Variants in TRMT61B observed in about 807,000 individuals in gnomAD.
TRMT61B encodes tRNA (adenine(58)-N(1))-methyltransferase, mitochondrial.
In TRMT61B, 56 loss-of-function variants were observed where a neutral mutation model predicts 52.0. That is an observed-to-expected ratio of 1.08 (90% confidence interval 0.87 to 1.35). The LOEUF is 1.35. Ranked by LOEUF, TRMT61B falls within the 40% of genes most tolerant of loss-of-function variation. The pLI, the probability that TRMT61B is intolerant of heterozygous loss-of-function variation, is 0.00. For synonymous variants in TRMT61B, 206 were observed against 220.0 expected, an observed-to-expected ratio of 0.94 and a Z score of 0.56; for missense variants, 650 against 577.9, an observed-to-expected ratio of 1.12 and a Z score of -1.28.
Position 28,851,154 on chromosome 2 carries a change from T to G in TRMT61B, c.1230A>C (p.Glu410Asp). 6.2e-7 allele frequency: 1 copy of G among 1,613,710 alleles called. No individual in the cohort carries two copies. The highest frequency in any genetic ancestry group is 8.5e-7 in the Non-Finnish European group (1 of 1,179,928). The change falls in exon 5 of 7, where the codon GAA becomes GAC. Residue 410 changes from glutamate (E) to aspartate (D), a missense_variant. By Grantham distance (45) the Glu-to-Asp change is conservative (BLOSUM62 2). Coordinates refer to ENST00000306108, the MANE Select transcript of TRMT61B (RefSeq NM_017910.4). ...GTTGTACATCTGTGTTGATTTTAGA[T>G]TCTACTTTTTGAGCTAAAATTCCAT... ...QKNGILAQKV[E>D]SKINTDVQLD...
rs1220540710 is a variant in TRMT61B, at chr2:28,862,331, T to TC, written c.803-1024_803-1023insG. 4.7e-5 allele frequency among the ~76,000 whole-genome samples: 5 copies of TC among 107,026 alleles called. No homozygotes were observed. The East Asian group carries it at 1.4e-3, about 31-fold the overall frequency. 70.2% of individuals were successfully genotyped at this position (107,026 alleles called of 152,430 possible). On this transcript the variant is annotated intron_variant, in intron 2 of 6. Coordinates refer to ENST00000306108, the MANE Select transcript of TRMT61B (RefSeq NM_017910.4). The stretch of plus-strand genomic sequence containing the variant: ...CATTTTTAATGTAGATTTTTGAGTT[T>TC]GGTTTTTTTTTTTTTTTTTGAGACA...
rs758057919 is a variant in TRMT61B, at chr2:28,870,049, T to A, written c.229A>T (p.Ile77Phe). ...CPSLPLSISD[I>F]GTGCLSSLEN... is the part of the protein sequence containing the mutation. Reference sequence around the variant, plus strand: ...AGTGACGAAAGACATCCAGTCCCAATGTCCGAGATGCTCAGAGGGAGAGAT... The same window carrying A: ...AGTGACGAAAGACATCCAGTCCCAAAGTCCGAGATGCTCAGAGGGAGAGAT... The change falls in exon 1 of 7, where the codon ATT becomes TTT. Residue 77 changes from isoleucine to phenylalanine, a missense_variant. Ile to Phe is a conservative substitution (Grantham distance 21). Coordinates refer to ENST00000306108, the MANE Select transcript of TRMT61B (RefSeq NM_017910.4). 2.5e-6 allele frequency: 4 copies of A among 1,613,816 alleles called. No homozygotes were observed. In the Admixed American group the frequency reaches 6.7e-5, roughly 27 times the overall value.
At chr2:28,851,675 T>C (rs1431097401) in intron 4 of TRMT61B, among the ~76,000 whole-genome samples, 1 of 151,594 alleles carries the variant, frequency 6.6e-6, no homozygotes, top group Non-Finnish European at 1.5e-5. Context: ...AGGTCAGGAG[T>C]TCCAGACCAG....
intron 2 of TRMT61B, among the ~76,000 whole-genome samples, chr2:28,863,000 C>A (rs1034639923): frequency 6.6e-6 from 1 of 152,020 alleles, no homozygotes; most frequent in African/African-American, 2.4e-5. Flanking sequence ...CCACCTCTAT[C>A]TGAAGTGATT....
Position 28,851,172 on chromosome 2 carries a change from A to C in TRMT61B, c.1212T>G (p.Ile404Met). 1.2e-6 allele frequency: 2 copies of C among 1,613,470 alleles called. No homozygotes were observed. Among genetic ancestry groups the C allele is most frequent in the South Asian group, 1.1e-5 (1 of 90,930 alleles). ...LVCLAKQKNG[I>M]LAQKVESKIN... ...TTTTAGATTCTACTTTTTGAGCTAA[A>C]ATTCCATTTTTCTGTTTTGCAAGGC... Residue 404 changes from isoleucine to methionine, a missense_variant, in exon 5 of 7, where the codon ATT becomes ATG. Ile to Met is a conservative substitution (Grantham distance 10). Transcript: ENST00000306108.
intron 4 of TRMT61B, 80 bp downstream of exon 4, chr2:28,852,328 A>G: frequency 1.5e-6 from 1 of 650,474 alleles, no homozygotes; most frequent in South Asian, 2.0e-5. Flanking sequence ...AAAAAAAAAA[A>G]AAAAAAAAAT....
At chr2:28,858,919 A>C (rs1006869338) in intron 3 of TRMT61B, among the ~76,000 whole-genome samples, 3 of 149,454 alleles carry the variant, frequency 2.0e-5, no homozygotes, top group Non-Finnish European at 4.4e-5. Context: ...TTTGAGATAG[A>C]GTCTTGCTCT....
intron 1 of TRMT61B, among the ~76,000 whole-genome samples, chr2:28,865,449 C>G (rs1669796787): frequency 6.6e-6 from 1 of 152,144 alleles, no homozygotes; most frequent in Non-Finnish European, 1.5e-5. Flanking sequence ...TAGAATAAAT[C>G]CAGTTTGTTA....
intron 2 of TRMT61B, 39 bp downstream of exon 2, chr2:28,864,978 T>C: frequency 8.2e-7 from 1 of 1,221,132 alleles, no homozygotes; most frequent in Non-Finnish European, 1.2e-6. Context: ...ATTGAATGTT[T>C]TCTTTGTTAC....
chr2:28,869,368 T>C (rs1346724345), intron 1 of TRMT61B, among the ~76,000 whole-genome samples: 1 of 152,166 alleles, frequency 6.6e-6, no homozygotes, highest in Non-Finnish European at 1.5e-5. Flanking sequence ...GACTCGAGAC[T>C]CCTAAGTTAA....
chr2:28,861,533 C>T, intron 2 of TRMT61B: 3 of 477,982 alleles, frequency 6.3e-6, no homozygotes, highest in Admixed American at 7.7e-5. Flanking sequence ...ACTGCCTATA[C>T]AAGCATGCCA....
At chr2:28,865,562 T>C (rs990912385) in intron 1 of TRMT61B, among the ~76,000 whole-genome samples, 2 of 152,056 alleles carry the variant, frequency 1.3e-5, no homozygotes, top group African/African-American at 2.4e-5. Context: ...AATGGCATTT[T>C]ATGAGGATTA....
In TRMT61B at chr2:28,850,313, G is replaced by C. The variant is rs1293176590; in HGVS notation, c.1390+15C>G. 1 of 1,605,458 alleles carries C rather than the reference G, an allele frequency of 6.2e-7. No individual in the cohort carries two copies. The highest frequency in any genetic ancestry group is 1.3e-5 in the African/African-American group (1 of 74,592). Reference sequence around the variant, plus strand: ...GAAAAAACACCATTTAATATGTTCTGAAAACATTACTCACCTGTATGACCA... The same window carrying C: ...GAAAAAACACCATTTAATATGTTCTCAAAACATTACTCACCTGTATGACCA... On this transcript the variant is annotated intron_variant, in intron 6 of 6. Transcript: ENST00000306108.
chr2:28,855,693 G>C (rs1021999647), intron 3 of TRMT61B, among the ~76,000 whole-genome samples: 1 of 152,204 alleles, frequency 6.6e-6, no homozygotes, highest in African/African-American at 2.4e-5. Flanking sequence ...TCAAGGCCAG[G>C]CATGGTGGCT....
chr2:28,849,832 A>G lies in TRMT61B; in HGVS notation c.*367T>C, dbSNP rs113746661. The G allele has an allele frequency of 1.9e-3, 2,712 of 1,392,238 alleles. 9 individuals are homozygous for G. Among genetic ancestry groups the G allele is most frequent in the Non-Finnish European group, 2.3e-3 (2,324 of 1,005,306 alleles). The allele number at this position is 1,392,238 out of a possible 1,614,324, so 86.2% of individuals were successfully genotyped here. A position where few individuals can be genotyped will look rare whatever the true frequency, so the allele number is the denominator to read the frequency against. On this transcript the variant is annotated 3_prime_UTR_variant, in exon 7 of 7. Coordinates refer to ENST00000306108, the MANE Select transcript of TRMT61B (RefSeq NM_017910.4). ...ACAGATACATAAAATTTATCTTAAA[A>G]TGCATATTTTATTTCAGTAGTCAAT...
Position 28,851,283 on chromosome 2 carries a change from A to C in TRMT61B, c.1101T>G (p.Ile367Met). The C allele has an allele frequency of 6.2e-7, 1 of 1,610,976 alleles. No individual in the cohort carries two copies. Among genetic ancestry groups the C allele is most frequent in the Non-Finnish European group, 8.5e-7 (1 of 1,178,790 alleles). Residue 367 changes from isoleucine (I) to methionine (M), a missense_variant, in exon 5 of 7, where the codon ATT (isoleucine) becomes ATG (methionine). Ile to Met is a conservative substitution (Grantham distance 10). Transcript: ENST00000306108. ...AVYVVNITQV[I>M]ELLDGIRTCE... is the part of the protein sequence containing the mutation. ...AGGTGCGAATTCCATCTAAAAGTTC[A>C]ATAACCTGTGTGATGCTTTCAGAAA...
chr2:28,866,141 C>G (rs549543959), intron 1 of TRMT61B, among the ~76,000 whole-genome samples: 82 of 151,432 alleles, frequency 5.4e-4, no homozygotes, highest in Non-Finnish European at 1.0e-3. Flanking sequence ...AGGCACCCAC[C>G]ACCACACCCA....
intron 3 of TRMT61B, among the ~76,000 whole-genome samples, chr2:28,853,089 A>C (rs1384825969): frequency 6.6e-6 from 1 of 152,216 alleles, no homozygotes; most frequent in Admixed American, 6.5e-5. Context: ...CCAAAGAAAG[A>C]TTCCTGTATG....
At chr2:28,859,861 G>A (rs1669523371) in intron 3 of TRMT61B, among the ~76,000 whole-genome samples, 1 of 152,014 alleles carries the variant, frequency 6.6e-6, no homozygotes, top group Admixed American at 6.6e-5. Flanking sequence ...CCCTTATTGA[G>A]CTGTAACATG....
Sources: allele counts gnomAD v4.1 joint callset (sites outside exome capture counted in the v4.1 genomes callset), GRCh38; gene constraint gnomAD v4.1.1; transcripts MANE v1.5; gene names NCBI Gene and HGNC (gene_info 2026-07-23, HGNC 2026-07-21).